Variants in UNC5C observed in about 807,000 individuals in gnomAD.
UNC5C encodes the protein unc-5 netrin receptor C, also known as netrin receptor UNC5C.
In UNC5C, 47 loss-of-function variants were observed where a neutral mutation model predicts 99.8. The observed-to-expected ratio is 0.47, with a 90% CI of 0.37 to 0.60. The LOEUF (loss-of-function observed/expected upper bound fraction) is 0.60. Among genes scored for constraint, UNC5C ranks in the 20% least tolerant of loss-of-function variants. The pLI, the probability that UNC5C is intolerant of heterozygous loss-of-function variation, is 0.00. For missense variants in UNC5C, 1,062 were observed against 1,165.9 expected (o/e 0.91, Z 1.30); for synonymous variants, 487 against 452.2 (o/e 1.08, Z -0.98).
chr4:95,527,953 G>A (rs1175195222), intron 1 of UNC5C, among the ~76,000 whole-genome samples: 2 of 151,934 alleles, frequency 1.3e-5, no homozygotes, highest in African/African-American at 2.4e-5. Context: ...AAATATTCAT[G>A]GGCATCCTAT....
chr4:95,198,073 C>T (rs938978475), intron 12 of UNC5C, among the ~76,000 whole-genome samples: 6 of 151,232 alleles, frequency 4.0e-5, no homozygotes, highest in Non-Finnish European at 5.9e-5. Flanking sequence ...CTGCAGCCTC[C>T]GCCTCCCAGG....
At chr4:95,305,264 T>C (rs893709529) in intron 2 of UNC5C, among the ~76,000 whole-genome samples, 11 of 152,212 alleles carry the variant, frequency 7.2e-5, no homozygotes, top group Non-Finnish European at 1.6e-4. Flanking sequence ...TTCCGTAGAA[T>C]TGACTGCATT....
At chr4:95,543,810 A>G (rs1304067384) in intron 1 of UNC5C, among the ~76,000 whole-genome samples, 3 of 152,148 alleles carry the variant, frequency 2.0e-5, no homozygotes, top group Non-Finnish European at 4.4e-5. Flanking sequence ...TTTAGAACTA[A>G]TATTAGGTTA....
At chr4:95,264,170 G>A (rs1740347404) in intron 4 of UNC5C, among the ~76,000 whole-genome samples, 1 of 151,296 alleles carries the variant, frequency 6.6e-6, no homozygotes, top group African/African-American at 2.4e-5. Context: ...CACATTGTGA[G>A]TCTTTATTCA....
Position 95,336,070 on chromosome 4 carries a change from C to T in UNC5C, c.125-439G>A, listed in dbSNP as rs1168325221. ...AAAGCTTACACACTTTGCAAGGAGC[C>T]GAGCAGAAATATTAGAAACTTTAAT... On this transcript the variant is annotated intron_variant, in intron 1 of 15. Transcript: ENST00000453304. Among the ~76,000 whole-genome samples, 12 of 151,796 alleles carry T rather than the reference C, an allele frequency of 7.9e-5. No individual in the cohort carries two copies. In the South Asian group the frequency reaches 1.0e-3, roughly 13 times the overall value.
At chr4:95,536,769 AG>A (rs1722792632) in intron 1 of UNC5C, among the ~76,000 whole-genome samples, 1 of 152,218 alleles carries the variant, frequency 6.6e-6, no homozygotes, top group Non-Finnish European at 1.5e-5. Flanking sequence ...GCTTGAACTG[AG>A]GCATATTTCC....
intron 4 of UNC5C, among the ~76,000 whole-genome samples, chr4:95,258,533 T>G (rs1247110808): frequency 6.6e-6 from 1 of 152,124 alleles, no homozygotes; most frequent in Admixed American, 6.6e-5. Flanking sequence ...CAAAATAATG[T>G]TCAAACAATT....
chr4:95,404,239 AT>A (rs1249700104), intron 1 of UNC5C, among the ~76,000 whole-genome samples: 1 of 152,172 alleles, frequency 6.6e-6, no homozygotes, highest in Non-Finnish European at 1.5e-5. Flanking sequence ...GAAATAGAAT[AT>A]TTTTGGACAA....
chr4:95,451,879 C>T (rs1208761882), intron 1 of UNC5C, among the ~76,000 whole-genome samples: 8 of 152,120 alleles, frequency 5.3e-5, no homozygotes. Context: ...GTCTTAAACA[C>T]TAAAATATCT....
chr4:95,349,044 A>T lies in UNC5C; in HGVS notation c.125-13413T>A, dbSNP rs180710815. 1.5e-3 allele frequency among the ~76,000 whole-genome samples: 226 copies of T among 151,726 alleles called. 1 individual carries two copies. Among genetic ancestry groups the T allele is most frequent in the African/African-American group, 4.4e-3 (183 of 41,452 alleles). On this transcript the variant is annotated intron_variant, in intron 1 of 15. Coordinates refer to ENST00000453304, the MANE Select transcript of UNC5C (RefSeq NM_003728.4). ...AACATAGTTAGATAAAATGTATAAG[A>T]TCTAGTATTTGATAGCAGAACAGGG...
intron 1 of UNC5C, among the ~76,000 whole-genome samples, chr4:95,364,063 C>G (rs191317350): frequency 6.6e-6 from 1 of 152,332 alleles, no homozygotes; most frequent in Non-Finnish European, 1.5e-5. Flanking sequence ...TGACCCATCT[C>G]AATGACTCCT....
intron 4 of UNC5C, among the ~76,000 whole-genome samples, chr4:95,265,965 G>C (rs1579281122): frequency 6.6e-6 from 1 of 152,100 alleles, no homozygotes; most frequent in South Asian, 2.1e-4. Context: ...CTCTTCCCTA[G>C]AACTAACTTG....
At chr4:95,242,638 T>A in intron 6 of UNC5C, 45 bp from the exon 7 acceptor site, 2 of 1,495,144 alleles carry the variant, frequency 1.3e-6, no homozygotes, top group Non-Finnish European at 1.8e-6. Context: ...GAGAGGCAGC[T>A]GCTTAAGGGA....
At chr4:95,197,112 G>A (rs887969074) in intron 12 of UNC5C, among the ~76,000 whole-genome samples, 1 of 124,020 alleles carries the variant, frequency 8.1e-6, no homozygotes, top group Non-Finnish European at 1.6e-5. Flanking sequence ...TATTATATAT[G>A]TAATTATATA....
At chr4:95,524,801 T>C (rs545353579) in intron 1 of UNC5C, among the ~76,000 whole-genome samples, 2 of 152,258 alleles carry the variant, frequency 1.3e-5, no homozygotes, top group African/African-American at 4.8e-5. Flanking sequence ...CAGTGCTGTG[T>C]GGTAGAAAGC....
chr4:95,335,739 T>G (rs1743313103), intron 1 of UNC5C, 108 bp from the exon 2 acceptor site: 1 of 832,454 alleles, frequency 1.2e-6, no homozygotes, highest in South Asian at 1.9e-5. Context: ...ATTAAGTGAT[T>G]TGAATGCCTG....
At chr4:95,354,480 T>TATATATATATATATATATATATATA (rs760696053) in intron 1 of UNC5C, among the ~76,000 whole-genome samples, 11 of 105,626 alleles carry the variant, frequency 1.0e-4, no homozygotes, top group African/African-American at 4.5e-4. Context: ...TATATATATA[T>TATATATATATATATATATATATATA]TTTTTTTTTT....
At chr4:95,321,630 A>G (rs1742695391) in intron 2 of UNC5C, among the ~76,000 whole-genome samples, 1 of 152,216 alleles carries the variant, frequency 6.6e-6, no homozygotes, top group South Asian at 2.1e-4. Context: ...AAGCTGAACT[A>G]TATAGTTCAG....
At chr4:95,244,191 C>T (rs1383870714) in intron 6 of UNC5C, among the ~76,000 whole-genome samples, 1 of 152,148 alleles carries the variant, frequency 6.6e-6, no homozygotes, top group Non-Finnish European at 1.5e-5. Context: ...ATAGCTACTC[C>T]AATGAGTGCA....
Sources: gnomAD v4.1 joint callset for allele counts (sites outside exome capture counted in the v4.1 genomes callset) on GRCh38, gnomAD v4.1.1 for gene constraint, MANE v1.5 for transcripts, NCBI Gene and HGNC (gene_info 2026-07-23, HGNC 2026-07-21) for gene names.